The following SPTB variants were observed in gnomAD, a reference collection of about 807,000 sequenced individuals.
The protein encoded by SPTB is spectrin beta, erythrocytic.
A neutral mutation model predicts 256.2 loss-of-function variants in SPTB; 45 were observed. The observed-to-expected ratio is 0.18, with a 90% CI of 0.14 to 0.23. SPTB has a LOEUF of 0.23. SPTB is among the 10% of genes least tolerant of loss of function. The pLI is 1.00. For synonymous variants in SPTB, 1,231 were observed against 1,243.1 expected (o/e 0.99, Z 0.21); for missense variants, 2,715 against 3,040.4 (o/e 0.89, Z 2.52).
rs757030824 is a variant in SPTB, at chr14:64,749,410, C to T, written c.6883G>A (p.Val2295Ile). The change falls in exon 36 of 36, where the codon GTC becomes ATC. Residue 2295 changes from valine to isoleucine, a missense_variant. Around this residue, in one of 4 missense-constraint regions of SPTB, gnomAD observed 2,239 missense variants for 2,384.4 expected, o/e 0.94. Transcript: ENST00000644917. This position sits in a 1 kb window ranked among gnomAD's most constrained non-coding sequence, Gnocchi z 4.7. ...GGCAGGGGCAGGCTCTGCGCCTTGACGCGGATGCTCTGGGACTCGTTGATG... is the reference window on the plus strand; with the variant it reads ...GGCAGGGGCAGGCTCTGCGCCTTGATGCGGATGCTCTGGGACTCGTTGATG... ...TAINESQSIRVKAQSLPLPSL... is the reference protein window; with the variant it reads ...TAINESQSIRIKAQSLPLPSL... 1.5e-5 allele frequency: 24 copies of T among 1,607,546 alleles called. No individual in the cohort carries two copies. In the East Asian group the frequency reaches 3.3e-4, roughly 22 times the overall value.
chr14:64,797,630 A>T (rs2139612331), intron 10 of SPTB, 99 bp downstream of exon 10: 1 of 1,001,130 alleles, frequency 1.0e-6, no homozygotes, highest in African/African-American at 1.6e-5. Flanking sequence ...ACATCAAAGA[A>T]AGTGGCTTGG....
Position 64,790,961 on chromosome 14 carries a change from C to T in SPTB, c.2804+758G>A, listed in dbSNP as rs1444500281. ...TTCTCCTCTTCCTTCAAGCCAGCCT[C>T]ATTATCGATACTGCATTTGGCAGAG... On this transcript the variant is annotated intron_variant, in intron 15 of 35. Coordinates refer to ENST00000644917, the MANE Select transcript of SPTB (RefSeq NM_001355436.2). The surrounding 1 kb of genome is among the most constrained non-coding windows in gnomAD (Gnocchi z 4.8). Among the ~76,000 whole-genome samples the T allele has an allele frequency of 1.3e-5, 2 of 152,214 alleles. No homozygotes were observed. The highest frequency in any genetic ancestry group is 2.4e-5 in the African/African-American group (1 of 41,452).
intron 1 of SPTB, among the ~76,000 whole-genome samples, chr14:64,875,357 C>A (rs1161418941): frequency 1.3e-5 from 2 of 152,198 alleles, no homozygotes; most frequent in Admixed American, 1.3e-4. Context: ...GAATGTGGAT[C>A]ACTTGGCTGT....
intron 2 of SPTB, among the ~76,000 whole-genome samples, 180 bp downstream of exon 2, chr14:64,822,767 A>G (rs1359425753): frequency 6.6e-6 from 1 of 152,200 alleles, no homozygotes; most frequent in African/African-American, 2.4e-5. Context: ...CCTTGGGGGC[A>G]GAGGCTGCCT....
At chr14:64,768,016 A>G in intron 29 of SPTB, 157 bp from the exon 30 acceptor site, 1 of 768,780 alleles carries the variant, frequency 1.3e-6, no homozygotes, top group Non-Finnish European at 2.2e-6. Flanking sequence ...ACCCCATTCC[A>G]CACTGGGCCC....
Position 64,749,869 on chromosome 14 carries a change from C to T in SPTB, c.6776+112G>A. ...CATCAGCCTCTTTGATTTGAAAAAC[C>T]CCTGAGGAGCAGCTCAGGCCTGGCA... On this transcript the variant is annotated intron_variant, in intron 34 of 35. Transcript: ENST00000644917. This position sits in a 1 kb window ranked among gnomAD's most constrained non-coding sequence, Gnocchi z 4.7. 2 of 1,525,136 alleles carry T rather than the reference C, an allele frequency of 1.3e-6. No homozygotes were observed. Among genetic ancestry groups the T allele is most frequent in the Non-Finnish European group, 1.8e-6 (2 of 1,103,086 alleles). The allele number at this position is 1,525,136 out of a possible 1,614,324, so 94.5% of individuals were successfully genotyped here. A position where few individuals can be genotyped will look rare whatever the true frequency, so the allele number is the denominator to read the frequency against.
chr14:64,752,140 A>G (rs1289656861), intron 33 of SPTB: 4 of 1,288,000 alleles, frequency 3.1e-6, no homozygotes, highest in Non-Finnish European at 3.1e-6. Flanking sequence ...AATAGGGCTC[A>G]TGTCAACTGG....
At position 64,760,961 on chromosome 14, in the gene SPTB, T is replaced by A. The variant is rs1323992211; in HGVS notation, c.6345+5765A>T. On this transcript the variant is annotated intron_variant, in intron 32 of 35. Transcript: ENST00000644917. This position sits in a 1 kb window ranked among gnomAD's most constrained non-coding sequence, Gnocchi z 4.3. Reference sequence around the variant, plus strand: ...ACTCCAGAGGAAAGCACCTGCCCGATGGGGTTCACAGTCTAAATGAGATGA... The same window carrying A: ...ACTCCAGAGGAAAGCACCTGCCCGAAGGGGTTCACAGTCTAAATGAGATGA... Among the ~76,000 whole-genome samples, 1 of 152,160 alleles carries A rather than the reference T, an allele frequency of 6.6e-6. No homozygotes were observed. The highest frequency in any genetic ancestry group is 1.5e-5 in the Non-Finnish European group (1 of 68,026).
intron 8 of SPTB, among the ~76,000 whole-genome samples, chr14:64,800,151 G>A (rs776843668): frequency 1.3e-5 from 2 of 152,222 alleles, no homozygotes; most frequent in African/African-American, 2.4e-5. Flanking sequence ...AATCGGCAGC[G>A]AGCTGGCCTG....
rs28405664 is a variant in SPTB at position 64,753,399 on chromosome 14, G to C, written c.6602+138C>G. 1.7e-5 allele frequency: 22 copies of C among 1,304,440 alleles called. No individual in the cohort carries two copies. The South Asian group carries it at 1.7e-4, about 10-fold the overall frequency. The allele number at this position is 1,304,440 out of a possible 1,614,324, so 80.8% of individuals were successfully genotyped here. On this transcript the variant is annotated intron_variant, in intron 33 of 35. Transcript: ENST00000644917. ...TAGCCCTCGGGGCTGGCCCAGAGGGGTGTCTAGGAGCTCTCACAGGCCAAG... is the reference window on the plus strand; with the variant it reads ...TAGCCCTCGGGGCTGGCCCAGAGGGCTGTCTAGGAGCTCTCACAGGCCAAG...
chr14:64,816,583 T>C lies in SPTB; in HGVS notation c.148+6364A>G, dbSNP rs1040165177. Among the ~76,000 whole-genome samples, 1 of 152,194 alleles carries C rather than the reference T, an allele frequency of 6.6e-6. No homozygotes were observed. The highest frequency in any genetic ancestry group is 1.5e-5 in the Non-Finnish European group (1 of 68,034). ...TGCTATGCACGTGTGTCTATGCACATAGACACGTGTGGGATTATTTGATCT... is the reference window on the plus strand; with the variant it reads ...TGCTATGCACGTGTGTCTATGCACACAGACACGTGTGGGATTATTTGATCT... On this transcript the variant is annotated intron_variant, in intron 2 of 35. Transcript: ENST00000644917. This position sits in a 1 kb window ranked among gnomAD's most constrained non-coding sequence, Gnocchi z 4.2.
At chr14:64,822,368 T>C (rs1466506167) in intron 2 of SPTB, among the ~76,000 whole-genome samples, 1 of 540 alleles carries the variant, frequency 1.9e-3, no homozygotes, top group Non-Finnish European at 4.7e-3. Flanking sequence ...TCTCTCTCTC[T>C]CTCTCTCACA....
chr14:64,774,309 T>C (rs2082323748), intron 24 of SPTB, 88 bp downstream of exon 24: 1 of 1,486,542 alleles, frequency 6.7e-7, no homozygotes, highest in African/African-American at 1.4e-5. Context: ...TCTTTCCATT[T>C]TCCTTTTAAA....
At position 64,816,809 on chromosome 14, in the gene SPTB, G is replaced by A. The variant is rs2083199459; in HGVS notation, c.148+6138C>T. Among the ~76,000 whole-genome samples the A allele has an allele frequency of 6.6e-6, 1 of 152,128 alleles. No homozygotes were observed. The highest frequency in any genetic ancestry group is 1.5e-5 in the Non-Finnish European group (1 of 68,010). On this transcript the variant is annotated intron_variant, in intron 2 of 35. Coordinates refer to ENST00000644917, the MANE Select transcript of SPTB (RefSeq NM_001355436.2). This position sits in a 1 kb window ranked among gnomAD's most constrained non-coding sequence, Gnocchi z 4.2. ...AAACACCACCCTTGGCACCTCCTCA[G>A]CCAAGAAGCATGTGGGGGACACATG...
Position 64,750,064 on chromosome 14 carries a change from A to T in SPTB, c.6693T>A (p.His2231Gln). 6.2e-7 allele frequency: 1 copy of T among 1,614,184 alleles called. No individual in the cohort carries two copies. Among genetic ancestry groups the T allele is most frequent in the Non-Finnish European group, 8.5e-7 (1 of 1,180,024 alleles). The part of the protein sequence containing the change: ...AKNLALGMPY[H>Q]GEEPLALRHA... Reference sequence around the variant, plus strand: ...GTCTCAGGGCCAGGGGTTCCTCCCCATGGTAGGGCATCCCCAGGGCCAGGT... The same window carrying T: ...GTCTCAGGGCCAGGGGTTCCTCCCCTTGGTAGGGCATCCCCAGGGCCAGGT... Residue 2231 changes from histidine (H) to glutamine (Q), a missense_variant, in exon 34 of 36, where the codon CAT (histidine) becomes CAA (glutamine). Around this residue, in one of 4 missense-constraint regions of SPTB, gnomAD observed 2,239 missense variants for 2,384.4 expected, o/e 0.94. Coordinates refer to ENST00000644917, the MANE Select transcript of SPTB (RefSeq NM_001355436.2).
chr14:64,795,458 C>T lies in SPTB; in HGVS notation c.1523G>A (p.Arg508His), dbSNP rs142541718. ...CAGCTCCTGCAGGTAGCTCCATAGG[C>T]GCAGTATATTGTCCTTGCGGGCCGT... Reference protein sequence around the residue: ...RITARKDNILRLWSYLQELLQ... With the variant: ...RITARKDNILHLWSYLQELLQ... The change falls in exon 12 of 36, where the codon CGC becomes CAC. Residue 508 changes from arginine to histidine, a missense_variant. By Grantham distance (29) the Arg-to-His change is conservative (BLOSUM62 0). Transcript: ENST00000644917. This position sits in a 1 kb window ranked among gnomAD's most constrained non-coding sequence, Gnocchi z 6.5. 8.2e-5 allele frequency: 133 copies of T among 1,614,172 alleles called. No homozygotes were observed. In the African/African-American group the frequency reaches 1.5e-3, roughly 18 times the overall value.
intron 24 of SPTB, among the ~76,000 whole-genome samples, chr14:64,774,178 C>T (rs537528579): frequency 9.0e-4 from 137 of 152,296 alleles, no homozygotes; most frequent in African/African-American, 3.2e-3. Flanking sequence ...CTGATCATTT[C>T]GAAAACCAGG....
rs2082545049 is a variant in SPTB at position 64,785,363 on chromosome 14, AC to A, written c.3855+173del. 6.6e-6 allele frequency among the ~76,000 whole-genome samples: 1 copy of A among 151,630 alleles called. No homozygotes were observed. Among genetic ancestry groups the A allele is most frequent in the Non-Finnish European group, 1.5e-5 (1 of 67,790 alleles). On this transcript the variant is annotated intron_variant, in intron 18 of 35. Transcript: ENST00000644917. The surrounding 1 kb of genome is among the most constrained non-coding windows in gnomAD (Gnocchi z 4.4). ...ACTTTTCAGATTTGAAAAAAAAAAA[AC>A]AGTGCAACTGAAGATTCCAGAGAAT...
At chr14:64,838,068 T>G (rs796859988) in intron 1 of SPTB, among the ~76,000 whole-genome samples, 1 of 152,174 alleles carries the variant, frequency 6.6e-6, no homozygotes, top group East Asian at 1.9e-4. Context: ...GGCAAGAAGA[T>G]AGACATATAT....
Sources: allele counts gnomAD v4.1 joint callset (sites outside exome capture counted in the v4.1 genomes callset), GRCh38; gene constraint gnomAD v4.1.1; regional missense constraint gnomAD v4.1.1; non-coding constraint Gnocchi (gnomAD v3.1); transcripts MANE v1.5; gene names NCBI Gene and HGNC (gene_info 2026-07-23, HGNC 2026-07-21).